TENM1: variants seen among roughly 807,000 people sequenced by gnomAD.
TENM1 encodes the protein teneurin-1.
TENM1 carries 35 observed loss-of-function variants against 174.8 expected under a neutral mutation model. The observed-to-expected ratio is 0.20, with a 90% CI of 0.15 to 0.27. TENM1 has a LOEUF of 0.27. Ranked by LOEUF, TENM1 falls within the 10% of genes least tolerant of loss-of-function variation. The pLI is 1.00. For missense variants in TENM1, 1,633 were observed against 2,130.1 expected (o/e 0.77, Z 4.59); for synonymous variants, 781 against 798.7 (o/e 0.98, Z 0.37).
the TENM1 span, among the ~76,000 whole-genome samples, chrX:125,037,263 T>C: frequency 9.1e-6 from 1 of 110,235 alleles, no homozygotes; most frequent in Admixed American, 9.7e-5. Context: ...CAGGTTTTGA[T>C]TCTCATTGGT....
the TENM1 span, among the ~76,000 whole-genome samples, chrX:125,092,797 A>G: frequency 8.9e-6 from 1 of 112,610 alleles, no homozygotes; most frequent in African/African-American, 3.2e-5. Context: ...AGTGTTGTTT[A>G]CTAAAAATAT....
At chrX:124,479,913 C>G (rs186291724) in intron 22 of TENM1, among the ~76,000 whole-genome samples, 30 of 111,718 alleles carry the variant, frequency 2.7e-4, no homozygotes, top group Admixed American at 8.6e-4. Flanking sequence ...TGTGGACCCA[C>G]TATGTATAAG....
intron 15 of TENM1, 127 bp from the exon 19 acceptor site, chrX:124,530,110 A>G (rs1312256652): frequency 8.5e-6 from 6 of 709,155 alleles, no homozygotes; most frequent in Middle Eastern, 3.2e-4. Context: ...ACCAGTAGAA[A>G]ACTACTAATA....
intron 11 of TENM1, among the ~76,000 whole-genome samples, chrX:124,581,297 C>G (rs1268194977): frequency 4.5e-5 from 5 of 110,724 alleles, no homozygotes; most frequent in African/African-American, 6.6e-5. Context: ...CATCTCCTCA[C>G]CTGGTGATCC....
chrX:125,126,339 G>C, the TENM1 span, among the ~76,000 whole-genome samples: 160 of 111,566 alleles, frequency 1.4e-3, no homozygotes, highest in Non-Finnish European at 2.3e-3. Flanking sequence ...TGGTATTAAT[G>C]AGGCAAGCAG....
At chrX:124,564,878 G>A (rs2048906584) in intron 12 of TENM1, among the ~76,000 whole-genome samples, 1 of 110,999 alleles carries the variant, frequency 9.0e-6, no homozygotes, top group Non-Finnish European at 1.9e-5. Context: ...CAACACACAT[G>A]TTCTATTGAT....
At chrX:124,906,171 A>C (rs1362776590) in intron 1 of TENM1, among the ~76,000 whole-genome samples, 1 of 112,176 alleles carries the variant, frequency 8.9e-6, no homozygotes, top group Non-Finnish European at 1.9e-5. Flanking sequence ...GATGAGCAAA[A>C]GCATCTAACA....
At chrX:125,181,309 C>T in the TENM1 span, among the ~76,000 whole-genome samples, 2 of 111,113 alleles carry the variant, frequency 1.8e-5, no homozygotes, top group Non-Finnish European at 3.8e-5. Context: ...GGTTTTAAAC[C>T]CCAAAGCATA....
chrX:124,450,011 C>T (rs1221399118), intron 23 of TENM1, among the ~76,000 whole-genome samples: 1 of 110,541 alleles, frequency 9.0e-6, no homozygotes, highest in African/African-American at 3.3e-5. Flanking sequence ...CCACCCAAAT[C>T]TCATCTTGAA....
At chrX:124,381,498 C>A (rs776858352) in intron 31 of TENM1, among the ~76,000 whole-genome samples, 47 of 111,931 alleles carry the variant, frequency 4.2e-4, no homozygotes, top group African/African-American at 1.5e-3. Context: ...ATTCTTATAT[C>A]TTGGTGGAGT....
At chrX:124,839,167 T>C (rs2056448638) in intron 3 of TENM1, among the ~76,000 whole-genome samples, 1 of 112,242 alleles carries the variant, frequency 8.9e-6, no homozygotes, top group Admixed American at 9.5e-5. Context: ...ACAAAGCTGT[T>C]TGAAAAAATC....
chrX:124,428,213 C>T (rs749746045), intron 23 of TENM1, among the ~76,000 whole-genome samples: 1 of 111,970 alleles, frequency 8.9e-6, no homozygotes, highest in Non-Finnish European at 1.9e-5. Flanking sequence ...AGCTCTTGGT[C>T]AGGATGTCAA....
intron 1 of TENM1, among the ~76,000 whole-genome samples, chrX:124,928,981 A>G (rs2058130878): frequency 8.9e-6 from 1 of 111,979 alleles, no homozygotes; most frequent in African/African-American, 3.2e-5. Context: ...AACATCTTCC[A>G]TGTCAATCAA....
chrX:125,127,554 T>C, the TENM1 span, among the ~76,000 whole-genome samples: 1 of 111,460 alleles, frequency 9.0e-6, no homozygotes, highest in East Asian at 2.8e-4. Flanking sequence ...TCAGAAGAGA[T>C]TTAAGAAAGT....
At chrX:124,613,124 G>A (rs2050317228) in intron 11 of TENM1, among the ~76,000 whole-genome samples, 2 of 111,447 alleles carry the variant, frequency 1.8e-5, no homozygotes, top group African/African-American at 6.5e-5. Context: ...TTTGAAATAA[G>A]GTTGCTATAG....
At chrX:125,045,567 G>A in the TENM1 span, among the ~76,000 whole-genome samples, 3 of 111,257 alleles carry the variant, frequency 2.7e-5, no homozygotes, top group Non-Finnish European at 5.7e-5. Flanking sequence ...TTTACTACCT[G>A]TGGCTATAGA....
At chrX:124,798,828 C>T (rs1170559215) in intron 3 of TENM1, among the ~76,000 whole-genome samples, 1 of 111,854 alleles carries the variant, frequency 8.9e-6, no homozygotes, top group African/African-American at 3.2e-5. Context: ...TTAGATTTTA[C>T]ATTTAAGTCT....
chrX:124,833,323 T>C (rs1343693538), intron 3 of TENM1, among the ~76,000 whole-genome samples: 2 of 111,873 alleles, frequency 1.8e-5, no homozygotes, highest in Non-Finnish European at 3.8e-5. Flanking sequence ...ATGAGTTGAG[T>C]GAACAACAAG....
chrX:125,037,282 T>A, the TENM1 span, among the ~76,000 whole-genome samples: 1 of 110,244 alleles, frequency 9.1e-6, no homozygotes, highest in African/African-American at 3.3e-5. Context: ...GTGCCCTCTA[T>A]TTTCCTGTAG....
Sources: allele counts gnomAD v4.1 joint callset (sites outside exome capture counted in the v4.1 genomes callset), GRCh38; gene constraint gnomAD v4.1.1; transcripts MANE v1.5; gene names NCBI Gene and HGNC (gene_info 2026-07-23, HGNC 2026-07-21).